Variants in PLA2G4A observed in about 807,000 individuals in gnomAD.
The protein encoded by PLA2G4A is phospholipase A2 group IVA, also known as cytosolic phospholipase A2.
In PLA2G4A, 40 loss-of-function variants were observed where a neutral mutation model predicts 81.9. The ratio of observed to expected loss-of-function variants is 0.49; its 90% CI spans 0.38 to 0.64. The LOEUF is 0.64. PLA2G4A is among the 30% of genes least tolerant of loss of function. PLA2G4A has a pLI of 0.00. For missense variants in PLA2G4A, 715 were observed against 905.1 expected (o/e 0.79, Z 2.69); for synonymous variants, 302 against 296.9 (o/e 1.02, Z -0.18).
intron 13 of PLA2G4A, among the ~76,000 whole-genome samples, chr1:186,954,366 C>A (rs1452328864): frequency 6.6e-6 from 1 of 152,118 alleles, no homozygotes; most frequent in East Asian, 1.9e-4. Context: ...CACATATTCT[C>A]ACTCATAGGT....
chr1:186,940,094 G>A lies in PLA2G4A; in HGVS notation c.1033G>A (p.Asp345Asn), dbSNP rs889664857. 2 of 1,523,884 alleles carry A rather than the reference G, an allele frequency of 1.3e-6. No homozygotes were observed. The highest frequency in any genetic ancestry group is 1.4e-5 in the African/African-American group (1 of 73,152). The allele number at this position is 1,523,884 out of a possible 1,614,324, so 94.4% of individuals were successfully genotyped here. A position where few individuals can be genotyped will look rare whatever the true frequency, so the allele number is the denominator to read the frequency against. ...TGACGTTTCAGAGCTGATGTTTGCA[G>A]GTATGCTGTTTCCTTTCTCAGAACA... ...KPDVSELMFA[D>N]WVEFSPYEIG... Residue 345 changes from aspartate to asparagine, a missense_variant and splice_region_variant, in exon 10 of 18, where the codon GAT becomes AAT. Physicochemically the swap from Asp to Asn is conservative, Grantham distance 23. Transcript: ENST00000367466.
intron 5 of PLA2G4A, among the ~76,000 whole-genome samples, chr1:186,902,868 G>C (rs1398272412): frequency 7.1e-6 from 1 of 141,572 alleles, no homozygotes; most frequent in Non-Finnish European, 1.5e-5. Context: ...TGATTAAAAA[G>C]CTTTATTGCT....
rs75663116 is a variant in PLA2G4A at position 186,958,992 on chromosome 1, G to A, written c.1579+2648G>A. 8.7e-3 allele frequency among the ~76,000 whole-genome samples: 1,328 copies of A among 152,052 alleles called. 22 individuals carry two copies. Among genetic ancestry groups the A allele is most frequent in the African/African-American group, 0.029 (1,209 of 41,464 alleles). Reference sequence around the variant, plus strand: ...GATTATCTGAAATTCAAATTAAACCGGGCATCCTGTATTTTTTTAGCTAAA... The same window carrying A: ...GATTATCTGAAATTCAAATTAAACCAGGCATCCTGTATTTTTTTAGCTAAA... On this transcript the variant is annotated intron_variant, in intron 14 of 17. Coordinates refer to ENST00000367466, the MANE Select transcript of PLA2G4A (RefSeq NM_024420.3).
At chr1:186,928,315 C>T (rs897684589) in intron 7 of PLA2G4A, among the ~76,000 whole-genome samples, 1 of 152,138 alleles carries the variant, frequency 6.6e-6, no homozygotes, top group African/African-American at 2.4e-5. Flanking sequence ...AATGGAGAAG[C>T]ATATAAGACC....
intron 17 of PLA2G4A, among the ~76,000 whole-genome samples, chr1:186,985,442 C>T (rs1657862186): frequency 6.6e-6 from 1 of 152,162 alleles, no homozygotes; most frequent in Admixed American, 6.5e-5. Context: ...CCAGCAAATT[C>T]ACAGTAATTT....
intron 14 of PLA2G4A, among the ~76,000 whole-genome samples, chr1:186,959,413 C>G (rs1372254043): frequency 6.6e-6 from 1 of 152,030 alleles, no homozygotes; most frequent in Non-Finnish European, 1.5e-5. Context: ...ATGTTCTAAG[C>G]TAAAATTATT....
In PLA2G4A at chr1:186,854,315, AC is replaced by A; in HGVS notation, c.-39del. On this transcript the variant is annotated 5_prime_UTR_variant, in exon 2 of 18. Transcript: ENST00000367466. ...TAAAGACGCTAGAGTGCCAAAGAAG[AC>A]TTTGAAGTGTGAAAACATTTCCTGT... The A allele has an allele frequency of 7.8e-7, 1 of 1,287,056 alleles. No homozygotes were observed. Among genetic ancestry groups the A allele is most frequent in the East Asian group, 2.3e-5 (1 of 43,272 alleles). The allele number at this position is 1,287,056 out of a possible 1,614,324, so 79.7% of individuals were successfully genotyped here.
At chr1:186,916,493 C>T (rs988287128) in intron 7 of PLA2G4A, among the ~76,000 whole-genome samples, 1 of 152,172 alleles carries the variant, frequency 6.6e-6, no homozygotes, top group Non-Finnish European at 1.5e-5. Flanking sequence ...GCCACATCCC[C>T]TTCCTAGCTT....
chr1:186,916,144 AAC>A (rs1177006051), intron 7 of PLA2G4A, among the ~76,000 whole-genome samples: 2 of 142,870 alleles, frequency 1.4e-5, no homozygotes, highest in Non-Finnish European at 3.0e-5. Context: ...GAAAGTTTGA[AAC>A]ACTGGCTCAG....
At chr1:186,922,847 T>C (rs1655401871) in intron 7 of PLA2G4A, among the ~76,000 whole-genome samples, 1 of 152,102 alleles carries the variant, frequency 6.6e-6, no homozygotes, top group Admixed American at 6.5e-5. Flanking sequence ...CTTGAGTGGG[T>C]TGTGATCGAT....
At chr1:186,982,944 C>T (rs1355404387) in intron 17 of PLA2G4A, among the ~76,000 whole-genome samples, 1 of 151,800 alleles carries the variant, frequency 6.6e-6, no homozygotes, top group African/African-American at 2.4e-5. Context: ...ATTAGCTGGG[C>T]GTGGTGGCAG....
At chr1:186,962,491 TTTATTTATTTATTTATTTATTTA>T (rs1311065488) in intron 14 of PLA2G4A, among the ~76,000 whole-genome samples, 16 of 63,442 alleles carry the variant, frequency 2.5e-4, no homozygotes, top group African/African-American at 5.1e-4. Flanking sequence ...TTTTATTTTA[TTTATTTATTTATTTATTTATTTA>T]TTTATTTATT....
At chr1:186,975,088 T>A (rs1657485135) in intron 15 of PLA2G4A, among the ~76,000 whole-genome samples, 1 of 152,218 alleles carries the variant, frequency 6.6e-6, no homozygotes, top group South Asian at 2.1e-4. Flanking sequence ...CTCACGCAAT[T>A]GCTCCACAAT....
chr1:186,985,711 A>G (rs1657871082), intron 17 of PLA2G4A, among the ~76,000 whole-genome samples: 1 of 152,128 alleles, frequency 6.6e-6, no homozygotes, highest in Non-Finnish European at 1.5e-5. Flanking sequence ...ATAGGAGGCT[A>G]CTGAATGGCA....
At chr1:186,982,712 A>G (rs544370648) in intron 17 of PLA2G4A, among the ~76,000 whole-genome samples, 35 of 152,230 alleles carry the variant, frequency 2.3e-4, no homozygotes, top group African/African-American at 7.9e-4. Flanking sequence ...TGTTTCATAA[A>G]CAGATAAAAT....
At chr1:186,834,482 G>A (rs1651708459) in intron 1 of PLA2G4A, among the ~76,000 whole-genome samples, 1 of 151,770 alleles carries the variant, frequency 6.6e-6, no homozygotes, top group Admixed American at 6.6e-5. Context: ...TATTCTTTGA[G>A]GTTGTCACAC....
intron 3 of PLA2G4A, chr1:186,870,765 T>A (rs1026375404): frequency 6.6e-6 from 10 of 1,519,896 alleles, no homozygotes; most frequent in Non-Finnish European, 9.0e-6. Flanking sequence ...CCTTATTTTC[T>A]TTGCTGTTAA....
rs142135483 is a variant in PLA2G4A, at chr1:186,954,776, C to T, written c.1337-1326C>T. The stretch of plus-strand genomic sequence containing the variant: ...AGGGTTCCTAGAAATCAGAAAAAAA[C>T]GGGGTTTAGGCAGGTGAAGTTATAC... On this transcript the variant is annotated intron_variant, in intron 13 of 17. Coordinates refer to ENST00000367466, the MANE Select transcript of PLA2G4A (RefSeq NM_024420.3). Among the ~76,000 whole-genome samples, 47 of 151,788 alleles carry T rather than the reference C, an allele frequency of 3.1e-4. 2 individuals are homozygous for T. Among genetic ancestry groups the T allele is most frequent in the Admixed American group, 8.5e-4 (13 of 15,234 alleles).
intron 1 of PLA2G4A, among the ~76,000 whole-genome samples, chr1:186,844,005 A>C (rs1652080451): frequency 6.6e-6 from 1 of 152,214 alleles, no homozygotes; most frequent in Non-Finnish European, 1.5e-5. Flanking sequence ...GGAGAGGGAA[A>C]TCTTAAAAGG....
Sources: gnomAD v4.1 joint callset for allele counts (sites outside exome capture counted in the v4.1 genomes callset) on GRCh38, gnomAD v4.1.1 for gene constraint, MANE v1.5 for transcripts, NCBI Gene and HGNC (gene_info 2026-07-23, HGNC 2026-07-21) for gene names.